Variants in ZNF536 observed in about 807,000 individuals in gnomAD.
The protein encoded by ZNF536 is zinc finger protein 536.
In ZNF536, 13 loss-of-function variants were observed where a neutral mutation model predicts 84.5. That is an observed-to-expected ratio of 0.15 (90% CI 0.10 to 0.24). The LOEUF is 0.24. Among genes scored for constraint, ZNF536 ranks in the 10% least tolerant of loss-of-function variants. The pLI is 1.00. For missense variants in ZNF536, 1,536 were observed against 1,747.5 expected, an observed-to-expected ratio of 0.88 and a Z score of 2.16; for synonymous variants, 811 against 742.5, an observed-to-expected ratio of 1.09 and a Z score of -1.50.
chr19:30,377,939 T>C (rs917492329), intron 1 of ZNF536, among the ~76,000 whole-genome samples: 2 of 152,166 alleles, frequency 1.3e-5, no homozygotes, highest in Non-Finnish European at 2.9e-5. Flanking sequence ...GGATTCTTTG[T>C]TGCCCAATAG....
At chr19:30,430,667 A>G (rs2051416533) in intron 1 of ZNF536, among the ~76,000 whole-genome samples, 1 of 152,130 alleles carries the variant, frequency 6.6e-6, no homozygotes, top group South Asian at 2.1e-4. Flanking sequence ...AAAGGATACC[A>G]AGTTGCCCCT....
In ZNF536 at chr19:30,476,669, A is replaced by G. The variant is rs77227171; in HGVS notation, c.2170+30937A>G. ...GTGGCTCACGGCCGCTTAGGCTTGGAGGCAGGGAAGCTGCTGGGAAATAGA... is the reference window on the plus strand; with the variant it reads ...GTGGCTCACGGCCGCTTAGGCTTGGGGGCAGGGAAGCTGCTGGGAAATAGA... On this transcript the variant is annotated intron_variant, in intron 2 of 4. Transcript: ENST00000355537. Among the ~76,000 whole-genome samples the G allele has an allele frequency of 4.2e-3, 636 of 152,310 alleles. 33 individuals are homozygous for G. In the East Asian group the frequency reaches 0.11, roughly 25 times the overall value.
intron 1 of ZNF536, among the ~76,000 whole-genome samples, chr19:30,256,020 C>T (rs921516571): frequency 1.3e-5 from 2 of 152,200 alleles, no homozygotes; most frequent in Admixed American, 6.5e-5. Flanking sequence ...GGGCAGCTGG[C>T]GGCAGCCTCT....
chr19:30,566,910 G>A (rs552703861), intron 1 of ZNF536, among the ~76,000 whole-genome samples: 59 of 151,674 alleles, frequency 3.9e-4, no homozygotes, highest in East Asian at 1.8e-3. Flanking sequence ...GAGGGTCCCC[G>A]CATGTGGCCT....
intron 1 of ZNF536, among the ~76,000 whole-genome samples, chr19:30,440,881 GGATA>G (rs56021291): frequency 0.18 from 26,052 of 145,358 alleles, 2,622 homozygotes; most frequent in Non-Finnish European, 0.22. Flanking sequence ...ACTCTGGCCA[GGATA>G]GATAGATAGA....
At chr19:30,489,837 C>G (rs1276895512) in intron 2 of ZNF536, among the ~76,000 whole-genome samples, 1 of 152,186 alleles carries the variant, frequency 6.6e-6, no homozygotes, top group African/African-American at 2.4e-5. Context: ...CAAATACAAA[C>G]ATGGAATACT....
chr19:30,475,459 TAAG>T (rs1307315618), intron 2 of ZNF536, among the ~76,000 whole-genome samples: 1 of 152,136 alleles, frequency 6.6e-6, no homozygotes, highest in Non-Finnish European at 1.5e-5. Context: ...TTAAAAAATA[TAAG>T]AAGAAGTATA....
chr19:30,308,911 A>G (rs2046417622), intron 2 of ZNF536, among the ~76,000 whole-genome samples: 2 of 152,146 alleles, frequency 1.3e-5, no homozygotes, highest in Admixed American at 6.5e-5. Flanking sequence ...AGAATTTCTT[A>G]TGATGCTATT....
intron 2 of ZNF536, among the ~76,000 whole-genome samples, chr19:30,518,421 A>G (rs977852580): frequency 3.9e-5 from 6 of 152,238 alleles, no homozygotes; most frequent in Non-Finnish European, 7.3e-5. Context: ...AATTGCAATC[A>G]TGATAGTGGA....
intron 1 of ZNF536, among the ~76,000 whole-genome samples, chr19:30,667,261 G>A (rs1307036027): frequency 6.6e-6 from 1 of 152,206 alleles, no homozygotes; most frequent in Non-Finnish European, 1.5e-5. Context: ...CCAGCTTACA[G>A]AAGGGGAAAC....
chr19:30,422,190 G>A (rs935063788), intron 1 of ZNF536, among the ~76,000 whole-genome samples: 1 of 151,996 alleles, frequency 6.6e-6, no homozygotes, highest in African/African-American at 2.4e-5. Context: ...AACACGTGAG[G>A]TGACCCTTAG....
intron 1 of ZNF536, among the ~76,000 whole-genome samples, chr19:30,253,900 T>G (rs1232644277): frequency 6.6e-6 from 1 of 152,154 alleles, no homozygotes; most frequent in Admixed American, 6.5e-5. Context: ...GAAAAGACGC[T>G]AATCCCAACC....
At chr19:30,343,819 T>A (rs2047641580) in intron 2 of ZNF536, among the ~76,000 whole-genome samples, 1 of 152,104 alleles carries the variant, frequency 6.6e-6, no homozygotes, top group Admixed American at 6.5e-5. Flanking sequence ...AGATACACAT[T>A]TCTGCCCCTG....
intron 1 of ZNF536, among the ~76,000 whole-genome samples, chr19:30,648,834 CT>C: frequency 6.6e-6 from 1 of 152,302 alleles, no homozygotes; most frequent in Admixed American, 6.5e-5. Flanking sequence ...TAAACTGGTT[CT>C]TTTAGTTCAC....
At position 30,582,443 on chromosome 19, in the gene ZNF536, G is replaced by A. The variant is rs1249396992; in HGVS notation, c.169+32929G>A. Reference sequence around the variant, plus strand: ...CTCACCCAGGTGCAAATGACCAGTGGTGTGATCATAGCTCATAGCTCACTG... The same window carrying A: ...CTCACCCAGGTGCAAATGACCAGTGATGTGATCATAGCTCATAGCTCACTG... On this transcript the variant is annotated intron_variant, in intron 1 of 1. Coordinates refer to the ZNF536 transcript ENST00000592773. 2.0e-5 allele frequency among the ~76,000 whole-genome samples: 3 copies of A among 146,410 alleles called. No individual in the cohort carries two copies. In the East Asian group the frequency reaches 6.0e-4, roughly 29 times the overall value.
At chr19:30,466,730 A>T (rs908637138) in intron 2 of ZNF536, among the ~76,000 whole-genome samples, 1 of 140,798 alleles carries the variant, frequency 7.1e-6, no homozygotes, top group Non-Finnish European at 1.5e-5. Flanking sequence ...GGAAGGAAGG[A>T]GGGAGGGAGG....
At chr19:30,351,071 G>C (rs1418119764) in intron 2 of ZNF536, among the ~76,000 whole-genome samples, 1 of 152,214 alleles carries the variant, frequency 6.6e-6, no homozygotes, top group Middle Eastern at 3.2e-3. Context: ...AATGGCATCT[G>C]TGTGTTTCAC....
chr19:30,664,244 CTCTCTCTCTCTCTCT>C (rs2050234827), intron 1 of ZNF536, among the ~76,000 whole-genome samples: 1 of 150,228 alleles, frequency 6.7e-6, no homozygotes, highest in Non-Finnish European at 1.5e-5. Flanking sequence ...CTCTCTCTCT[CTCTCTCTCTCTCTCT>C]CTCCCTCTCC....
intron 2 of ZNF536, among the ~76,000 whole-genome samples, chr19:30,348,919 G>T (rs1410187829): frequency 6.6e-6 from 1 of 151,314 alleles, no homozygotes; most frequent in Admixed American, 6.6e-5. Flanking sequence ...ACAAATGATT[G>T]TGTATGAATC....
Sources: allele counts gnomAD v4.1 joint callset (sites outside exome capture counted in the v4.1 genomes callset), GRCh38; gene constraint gnomAD v4.1.1; transcripts MANE v1.5; gene names NCBI Gene and HGNC (gene_info 2026-07-23, HGNC 2026-07-21).